LIMCH1: variants seen among roughly 807,000 people sequenced by gnomAD.
LIMCH1 encodes LIM and calponin homology domains 1, also known as LIM and calponin homology domains-containing protein 1.
Under a neutral mutation model 176.5 loss-of-function variants are expected in LIMCH1, and 113 were observed. The observed-to-expected ratio is 0.64, with a 90% confidence interval of 0.55 to 0.75. LIMCH1 has a LOEUF of 0.75. Ranked by LOEUF, LIMCH1 falls within the 30% of genes least tolerant of loss-of-function variation. LIMCH1 has a pLI of 0.00. For missense variants in LIMCH1, 1,674 were observed against 1,814.9 expected (o/e 0.92, Z 1.41); for synonymous variants, 619 against 645.9 (o/e 0.96, Z 0.63).
Position 41,627,150 on chromosome 4 carries a change from A to G in LIMCH1, c.1028+140A>G, listed in dbSNP as rs1217972095. The G allele has an allele frequency of 2.6e-6, 3 of 1,163,660 alleles. No homozygotes were observed. In the African/African-American group the frequency reaches 4.6e-5, roughly 18 times the overall value. The allele number at this position is 1,163,660 out of a possible 1,614,324, so 72.1% of individuals were successfully genotyped here. A position where few individuals can be genotyped will look rare whatever the true frequency, so the allele number is the denominator to read the frequency against. ...TCTTTCCAGCCTCTCAATTATATGTACTTTGTAATGGGGGTTTATTTTGAA... is the reference window on the plus strand; with the variant it reads ...TCTTTCCAGCCTCTCAATTATATGTGCTTTGTAATGGGGGTTTATTTTGAA... On this transcript the variant is annotated intron_variant, in intron 8 of 31. Transcript: ENST00000503057.
intron 7 of LIMCH1, among the ~76,000 whole-genome samples, chr4:41,622,993 C>T (rs1422703054): frequency 6.6e-6 from 1 of 152,198 alleles, no homozygotes; most frequent in African/African-American, 2.4e-5. Flanking sequence ...CAGCTGCCAG[C>T]CAGCGCTCTC....
At chr4:41,455,666 G>T (rs146539170) in intron 1 of LIMCH1, among the ~76,000 whole-genome samples, 4 of 152,172 alleles carry the variant, frequency 2.6e-5, no homozygotes, top group Non-Finnish European at 4.4e-5. Flanking sequence ...TAAAACAGCT[G>T]TATGGCAAAC....
At chr4:41,546,846 G>A (rs1158115862) in intron 1 of LIMCH1, among the ~76,000 whole-genome samples, 1 of 152,056 alleles carries the variant, frequency 6.6e-6, no homozygotes, top group Non-Finnish European at 1.5e-5. Context: ...TATATGGAGA[G>A]AGAGAGAGAC....
rs1402647523 is a variant in LIMCH1 at position 41,646,094 on chromosome 4, A to G, written c.2254-29A>G. On this transcript the variant is annotated intron_variant, in intron 15 of 31. Coordinates refer to ENST00000503057, the MANE Select transcript of LIMCH1 (RefSeq NM_001330672.2). ...ATGGAATTATGCACAAGTCTGAAGA[A>G]GAATATTATATCTTTCTTTCCCTGC... 2.5e-6 allele frequency: 4 copies of G among 1,584,658 alleles called. No individual in the cohort carries two copies. The South Asian group carries it at 4.7e-5, about 19-fold the overall frequency.
intron 1 of LIMCH1, among the ~76,000 whole-genome samples, chr4:41,492,394 G>C (rs1019795776): frequency 7.0e-6 from 1 of 142,644 alleles, no homozygotes; most frequent in African/African-American, 2.5e-5. Flanking sequence ...GAGGGAGACC[G>C]TAGAAAGAGG....
intron 1 of LIMCH1, among the ~76,000 whole-genome samples, chr4:41,432,594 C>T (rs192108563): frequency 2.0e-3 from 302 of 152,290 alleles, no homozygotes; most frequent in Non-Finnish European, 2.9e-3. Context: ...GGGTCTCTAT[C>T]CTTGTTGGGA....
Position 41,362,589 on chromosome 4 carries a change from A to G in LIMCH1, c.96+1653A>G, listed in dbSNP as rs181431319. 5.9e-5 allele frequency among the ~76,000 whole-genome samples: 9 copies of G among 152,300 alleles called. No individual in the cohort carries two copies. The East Asian group carries it at 1.7e-3, about 29-fold the overall frequency. ...TCTTGAAGGCAAGTGATTTATTCTC[A>G]ATTTCCTTAACTGTATCATTGACAT... On this transcript the variant is annotated intron_variant, in intron 1 of 26. Transcript: ENST00000313860.
At chr4:41,362,467 C>T (rs896476417) in intron 1 of LIMCH1, among the ~76,000 whole-genome samples, 4 of 152,292 alleles carry the variant, frequency 2.6e-5, no homozygotes, top group Admixed American at 1.3e-4. Context: ...AGTTGGATAA[C>T]TATTTTTCAG....
chr4:41,596,963 G>T (rs2088961302), intron 1 of LIMCH1, among the ~76,000 whole-genome samples: 1 of 152,102 alleles, frequency 6.6e-6, no homozygotes, highest in Non-Finnish European at 1.5e-5. Flanking sequence ...ACTCGTCATT[G>T]TTCTCCCTGT....
chr4:41,418,861 C>G (rs574171260), intron 1 of LIMCH1: 1 of 152,214 alleles, frequency 6.6e-6, no homozygotes, highest in South Asian at 2.1e-4. Flanking sequence ...GATGAACAAA[C>G]AAGCAATTGT....
chr4:41,389,712 A>G (rs2056982016), intron 1 of LIMCH1: 1 of 152,242 alleles, frequency 6.6e-6, no homozygotes, highest in African/African-American at 2.4e-5. Context: ...TTGGGAAATA[A>G]AATTAAATAA....
At chr4:41,389,779 T>C (rs1222669617) in intron 1 of LIMCH1, among the ~76,000 whole-genome samples, 2 of 152,204 alleles carry the variant, frequency 1.3e-5, no homozygotes, top group Non-Finnish European at 2.9e-5. Context: ...ATGATCTTCC[T>C]AGATCATTGG....
intron 13 of LIMCH1, among the ~76,000 whole-genome samples, chr4:41,636,972 T>C (rs1180425655): frequency 6.6e-6 from 1 of 152,216 alleles, no homozygotes; most frequent in Non-Finnish European, 1.5e-5. Context: ...AATAAAATGT[T>C]AATTAAAATA....
chr4:41,682,815 T>TA (rs1405953429), intron 26 of LIMCH1, among the ~76,000 whole-genome samples: 1 of 152,016 alleles, frequency 6.6e-6, no homozygotes, highest in Non-Finnish European at 1.5e-5. Context: ...TAGCTGGGAC[T>TA]ACAGGTGCGT....
intron 13 of LIMCH1, among the ~76,000 whole-genome samples, chr4:41,636,406 A>G (rs534399313): frequency 6.7e-6 from 1 of 148,810 alleles, no homozygotes; most frequent in Non-Finnish European, 1.5e-5. Flanking sequence ...TGATTGGGAA[A>G]GTCACTTGAC....
intron 1 of LIMCH1, among the ~76,000 whole-genome samples, chr4:41,490,297 T>G (rs773396479): frequency 6.6e-6 from 1 of 151,690 alleles, no homozygotes; most frequent in Non-Finnish European, 1.5e-5. Context: ...TTTTTTTAAT[T>G]TATTGATCAT....
chr4:41,360,432 C>T (rs1198342392), upstream of LIMCH1, among the ~76,000 whole-genome samples: 1 of 152,202 alleles, frequency 6.6e-6, no homozygotes, highest in East Asian at 1.9e-4. This position sits in a 1 kb window ranked among gnomAD's most constrained non-coding sequence, Gnocchi z 4.5. Flanking sequence ...CAGCAGCCGG[C>T]GGGGCGCAGG....
chr4:41,696,215 C>T (rs945080361), intron 31 of LIMCH1, among the ~76,000 whole-genome samples: 3 of 152,148 alleles, frequency 2.0e-5, no homozygotes, highest in South Asian at 2.1e-4. Context: ...TGGAAATGGA[C>T]GTGCAAAACA....
At chr4:41,625,226 A>C (rs1331496813) in intron 7 of LIMCH1, among the ~76,000 whole-genome samples, 3 of 152,202 alleles carry the variant, frequency 2.0e-5, no homozygotes, top group African/African-American at 7.2e-5. Context: ...GGTTGTCATG[A>C]AAGTTAGTGT....
Sources: allele counts gnomAD v4.1 joint callset (sites outside exome capture counted in the v4.1 genomes callset), GRCh38; gene constraint gnomAD v4.1.1; non-coding constraint Gnocchi (gnomAD v3.1); transcripts MANE v1.5; gene names NCBI Gene and HGNC (gene_info 2026-07-23, HGNC 2026-07-21).